Variants in GFM1 observed in about 807,000 individuals in gnomAD.
GFM1 encodes elongation factor G, mitochondrial.
Under a neutral mutation model 96.2 loss-of-function variants are expected in GFM1, and 62 were observed. The ratio of observed to expected loss-of-function variants is 0.64; its 90% CI spans 0.53 to 0.80. GFM1 has a LOEUF of 0.80. Among genes scored for constraint, GFM1 ranks in the 30% least tolerant of loss-of-function variants. The pLI is 0.00. For missense variants in GFM1, 852 were observed against 916.6 expected, an observed-to-expected ratio of 0.93 and a Z score of 0.91; for synonymous variants, 282 against 312.9, an observed-to-expected ratio of 0.90 and a Z score of 1.04.
At chr3:158,654,412 AT>A (rs1291700501) in intron 7 of GFM1, 134 bp from the exon 8 acceptor site, 2 of 616,808 alleles carry the variant, frequency 3.2e-6, no homozygotes, top group Admixed American at 5.3e-5. Context: ...TTTCAGTGAA[AT>A]TTTACTTATG....
intron 15 of GFM1, among the ~76,000 whole-genome samples, chr3:158,688,433 G>T (rs1300116387): frequency 2.0e-5 from 3 of 152,122 alleles, no homozygotes; most frequent in Admixed American, 6.5e-5. Context: ...GAACCAGAAA[G>T]GCTGTCCTCA....
chr3:158,675,738 T>C (rs532505483), intron 13 of GFM1, among the ~76,000 whole-genome samples: 28 of 152,344 alleles, frequency 1.8e-4, no homozygotes, highest in African/African-American at 6.0e-4. Context: ...TTATAATTTT[T>C]CAGATCTCCA....
chr3:158,666,428 A>G, intron 13 of GFM1, 42 bp downstream of exon 13: 2 of 1,526,980 alleles, frequency 1.3e-6, no homozygotes, highest in Non-Finnish European at 1.8e-6. Context: ...GCTGAAATTG[A>G]AGCTTTTTAT....
At position 158,693,382 on chromosome 3, in the gene GFM1, AACTT is replaced by A. The variant is rs1452961498; in HGVS notation, c.*1921_*1924del. ...AACTAAACTGGATAAATAAGTAAAA[AACTT>A]ACTTATTTTTAATTTGTAAAACATC... On this transcript the variant is annotated 3_prime_UTR_variant, in exon 18 of 18. Coordinates refer to ENST00000486715, the MANE Select transcript of GFM1 (RefSeq NM_024996.7). 6.6e-6 allele frequency: 1 copy of A among 152,216 alleles called. No homozygotes were observed. Among genetic ancestry groups the A allele is most frequent in the Non-Finnish European group, 1.5e-5 (1 of 68,048 alleles). The allele number at this position is 152,216 out of a possible 1,614,324, so 9.4% of individuals were successfully genotyped here. A position where few individuals can be genotyped will look rare whatever the true frequency, so the allele number is the denominator to read the frequency against.
chr3:158,650,396 C>T (rs1301255971), intron 5 of GFM1: 2 of 254,046 alleles, frequency 7.9e-6, no homozygotes, highest in Non-Finnish European at 1.6e-5. Context: ...CCCAGAATTA[C>T]CAAGGCACAT....
chr3:158,671,083 A>G, intron 13 of GFM1: 1 of 1,390,846 alleles, frequency 7.2e-7, no homozygotes, highest in Non-Finnish European at 9.4e-7. Context: ...TTGCATTGTT[A>G]GAAGTATGCA....
At chr3:158,647,533 G>C (rs547893424) in intron 4 of GFM1, among the ~76,000 whole-genome samples, 6 of 152,288 alleles carry the variant, frequency 3.9e-5, no homozygotes, top group Admixed American at 3.9e-4. Context: ...AGATGTGCAC[G>C]TGTAGCTGTA....
chr3:158,682,201 A>G (rs780388853), intron 14 of GFM1, 44 bp downstream of exon 14: 2 of 1,483,904 alleles, frequency 1.3e-6, no homozygotes. Context: ...CTTACTAAAA[A>G]CAGTTTATCA....
Position 158,650,044 on chromosome 3 carries a change from G to A in GFM1, c.689+887G>A, listed in dbSNP as rs970295870. ...ATTTCCTTCCTCTGCTATGGAATTG[G>A]GATCGCAGGTCTGGCAGGTGGGCGA... On this transcript the variant is annotated intron_variant, in intron 5 of 17. Transcript: ENST00000486715. 61 of 1,535,850 alleles carry A rather than the reference G, an allele frequency of 4.0e-5. No individual in the cohort carries two copies. The highest frequency in any genetic ancestry group is 4.7e-5 in the Non-Finnish European group (54 of 1,146,812).
At chr3:158,667,081 C>A in intron 13 of GFM1, 1 of 1,571,960 alleles carries the variant, frequency 6.4e-7, no homozygotes, top group Non-Finnish European at 8.6e-7. Context: ...TTTGCTATGA[C>A]AAAAAATAAA....
intron 9 of GFM1, among the ~76,000 whole-genome samples, chr3:158,659,800 AC>A (rs1208157090): frequency 6.6e-6 from 1 of 152,174 alleles, no homozygotes; most frequent in African/African-American, 2.4e-5. Flanking sequence ...GGTAGCCATA[AC>A]TTTTGTTTCT....
intron 6 of GFM1, 37 bp downstream of exon 6, chr3:158,652,283 A>G (rs766836270): frequency 1.8e-5 from 29 of 1,597,330 alleles, no homozygotes; most frequent in Non-Finnish European, 2.5e-5. Flanking sequence ...GTTAACAACA[A>G]AAAGAAGTCG....
intron 10 of GFM1, 127 bp from the exon 11 acceptor site, chr3:158,662,501 A>G: frequency 1.5e-6 from 1 of 685,810 alleles, no homozygotes; most frequent in Non-Finnish European, 2.7e-6. Context: ...TATGTTGTCT[A>G]GCCTAAAGAC....
At position 158,668,860 on chromosome 3, in the gene GFM1, T is replaced by C. The variant is rs530850738; in HGVS notation, c.1601+2474T>C. Reference sequence around the variant, plus strand: ...CACCTTCTCTAATCTTGATTGTACCTGACCTCCCCTTTGAAATCCCAGGTT... The same window carrying C: ...CACCTTCTCTAATCTTGATTGTACCCGACCTCCCCTTTGAAATCCCAGGTT... On this transcript the variant is annotated intron_variant, in intron 13 of 17. Coordinates refer to ENST00000486715, the MANE Select transcript of GFM1 (RefSeq NM_024996.7). The C allele has an allele frequency of 8.5e-6, 6 of 705,202 alleles. No homozygotes were observed. In the East Asian group the frequency reaches 1.8e-4, roughly 21 times the overall value. The allele number at this position is 705,202 out of a possible 1,614,324, so 43.7% of individuals were successfully genotyped here.
rs1002326027 is a variant in GFM1, at chr3:158,690,177, A to G, written c.1924A>G (p.Thr642Ala). Reference sequence around the variant, plus strand: ...TTTTAACCCAGCCTTGGCAAATGCAACATTATGTATTCTTGAACCTATTAT... The same window carrying G: ...TTTTAACCCAGCCTTGGCAAATGCAGCATTATGTATTCTTGAACCTATTAT... ...GALKQALANA[T>A]LCILEPIMAV... Residue 642 changes from threonine (T) to alanine (A), a missense_variant, in exon 16 of 18, where the codon ACA (threonine) becomes GCA (alanine). Coordinates refer to ENST00000486715, the MANE Select transcript of GFM1 (RefSeq NM_024996.7). The G allele has an allele frequency of 2.5e-6, 4 of 1,613,716 alleles. No individual in the cohort carries two copies. Among genetic ancestry groups the G allele is most frequent in the Non-Finnish European group, 3.4e-6 (4 of 1,179,856 alleles).
intron 2 of GFM1, 57 bp from the exon 3 acceptor site, chr3:158,646,108 C>G: frequency 6.2e-7 from 1 of 1,608,668 alleles, no homozygotes; most frequent in Non-Finnish European, 8.5e-7. Context: ...GTTAAGATTT[C>G]TTTCCTTCTT....
At chr3:158,666,279 A>T (rs7628497) in intron 12 of GFM1, 25 bp from the exon 13 acceptor site, 17 of 1,554,828 alleles carry the variant, frequency 1.1e-5, no homozygotes, top group Non-Finnish European at 1.4e-5. Flanking sequence ...TTAAATTTAA[A>T]TAATATTTTC....
chr3:158,680,050 CT>C (rs1725231744), intron 13 of GFM1, among the ~76,000 whole-genome samples: 2 of 152,128 alleles, frequency 1.3e-5, no homozygotes, highest in Non-Finnish European at 2.9e-5. Flanking sequence ...CAAAACAAAT[CT>C]GCAAATTTGA....
rs768377828 is a variant in GFM1 at position 158,646,294 on chromosome 3, C to A, written c.364C>A (p.Pro122Thr). The change falls in exon 3 of 18, where the codon CCT becomes ACT. Residue 122 changes from proline (P) to threonine (T), a missense_variant. Transcript: ENST00000486715. ...TGTCAATATTAACATTATAGATACT[C>A]CTGGTGAGTTGGATTCTTGGTTTTA... Reference protein sequence around the residue: ...KDVNINIIDTPGHVDFTIEVE... With the variant: ...KDVNINIIDTTGHVDFTIEVE... The A allele has an allele frequency of 6.2e-7, 1 of 1,613,948 alleles. No homozygotes were observed. Among genetic ancestry groups the A allele is most frequent in the Non-Finnish European group, 8.5e-7 (1 of 1,179,948 alleles).
Sources: gnomAD v4.1 joint callset for allele counts (sites outside exome capture counted in the v4.1 genomes callset) on GRCh38, gnomAD v4.1.1 for gene constraint, MANE v1.5 for transcripts, NCBI Gene and HGNC (gene_info 2026-07-23, HGNC 2026-07-21) for gene names.